Variants in FRYL observed in about 807,000 individuals in gnomAD.
FRYL encodes protein furry homolog-like.
A neutral mutation model predicts 351.2 loss-of-function variants in FRYL; 150 were observed. That is an observed-to-expected ratio of 0.43 (90% CI 0.37 to 0.49). The LOEUF is 0.49. Among genes scored for constraint, FRYL ranks in the 20% least tolerant of loss-of-function variants. FRYL has a pLI of 0.00. For missense variants in FRYL, 3,036 were observed against 3,619.3 expected, an observed-to-expected ratio of 0.84 and a Z score of 4.13; for synonymous variants, 1,153 against 1,257.1, an observed-to-expected ratio of 0.92 and a Z score of 1.75.
At position 48,540,539 on chromosome 4, in the gene FRYL, T is replaced by C; in HGVS notation, c.6109A>G (p.Lys2037Glu). ...TCAATCTTCTCTCGACTCTCTGATT[T>C]ATCCAAAGGCAAATGGATAAGCAGT... Reference protein sequence around the residue: ...NKLLIHLPLDKSESREKIENV... With the variant: ...NKLLIHLPLDESESREKIENV... The change falls in exon 46 of 64, where the codon AAA becomes GAA. Residue 2037 changes from lysine (K) to glutamate (E), a missense_variant. Coordinates refer to ENST00000358350, the MANE Select transcript of FRYL (RefSeq NM_015030.2). 1 of 1,614,036 alleles carries C rather than the reference T, an allele frequency of 6.2e-7. No homozygotes were observed. Among genetic ancestry groups the C allele is most frequent in the Non-Finnish European group, 8.5e-7 (1 of 1,179,938 alleles).
chr4:48,710,109 A>T (rs1210677814), intron 2 of FRYL, among the ~76,000 whole-genome samples: 1 of 152,236 alleles, frequency 6.6e-6, no homozygotes, highest in African/African-American at 2.4e-5. Context: ...CTATGCTATA[A>T]AAAGAAGAGC....
chr4:48,541,384 C>T (rs987755778), intron 45 of FRYL, among the ~76,000 whole-genome samples: 1 of 152,186 alleles, frequency 6.6e-6, no homozygotes, highest in Non-Finnish European at 1.5e-5. Flanking sequence ...TCCTTCCTCA[C>T]ATCCAATTTT....
Position 48,678,121 on chromosome 4 carries a change from G to A in FRYL, c.-81+6552C>T, listed in dbSNP as rs116181476. On this transcript the variant is annotated intron_variant, in intron 3 of 63. Transcript: ENST00000358350. ...TCAAGAGAAGGTATTGGCCGGGTGCGGTGGCTCATGCCTGTAATCCCAGCA... is the reference window on the plus strand; with the variant it reads ...TCAAGAGAAGGTATTGGCCGGGTGCAGTGGCTCATGCCTGTAATCCCAGCA... Among the ~76,000 whole-genome samples, 685 of 152,212 alleles carry A rather than the reference G, an allele frequency of 4.5e-3. 6 individuals are homozygous for A. The highest frequency in any genetic ancestry group is 0.017 in the Middle Eastern group (5 of 294).
chr4:48,695,347 A>C (rs1766051204), intron 2 of FRYL, among the ~76,000 whole-genome samples: 2 of 152,200 alleles, frequency 1.3e-5, no homozygotes, highest in Non-Finnish European at 2.9e-5. Flanking sequence ...TCAACTGATA[A>C]TGTGCAAACT....
rs375663133 is a variant in FRYL, at chr4:48,603,520, T to C, written c.835-132A>G. 1.1e-3 allele frequency: 695 copies of C among 646,192 alleles called. 6 individuals are homozygous for C. Among genetic ancestry groups the C allele is most frequent in the South Asian group, 2.6e-3 (131 of 51,084 alleles). The allele number at this position is 646,192 out of a possible 1,614,324, so 40.0% of individuals were successfully genotyped here. A position where few individuals can be genotyped will look rare whatever the true frequency, so the allele number is the denominator to read the frequency against. ...TGAGACTCTCACTGAAGTACTACAA[T>C]GTGCCAAGTGACCAAATGTTAAGTA... On this transcript the variant is annotated intron_variant, in intron 11 of 63. Coordinates refer to ENST00000358350, the MANE Select transcript of FRYL (RefSeq NM_015030.2).
chr4:48,540,419 C>A lies in FRYL; in HGVS notation c.6229G>T (p.Val2077Leu). The change falls in exon 46 of 64, where the codon GTG becomes TTG. Residue 2077 changes from valine to leucine, a missense_variant. Coordinates refer to ENST00000358350, the MANE Select transcript of FRYL (RefSeq NM_015030.2). Reference sequence around the variant, plus strand: ...GAAATGAGTTTACTGAGGAGGTGCACGGTCATTTCTTGTGTAGATGCTGAG... The same window carrying A: ...GAAATGAGTTTACTGAGGAGGTGCAAGGTCATTTCTTGTGTAGATGCTGAG... ...FTSASTQEMT[V>L]HLLSKLISVS... 6.2e-7 allele frequency: 1 copy of A among 1,613,602 alleles called. No homozygotes were observed. Among genetic ancestry groups the A allele is most frequent in the Non-Finnish European group, 8.5e-7 (1 of 1,179,594 alleles).
chr4:48,567,901 G>T lies in FRYL; in HGVS notation c.2997-481C>A, dbSNP rs1039296638. ...TTATCAGGGATGCAAAAATCTAAGA[G>T]AATTCTTGTAAGAATAGGGTAGAGT... On this transcript the variant is annotated intron_variant, in intron 27 of 63. Coordinates refer to ENST00000358350, the MANE Select transcript of FRYL (RefSeq NM_015030.2). The surrounding 1 kb of genome is among the most constrained non-coding windows in gnomAD (Gnocchi z 4.2). Among the ~76,000 whole-genome samples, 71 of 152,318 alleles carry T rather than the reference G, an allele frequency of 4.7e-4. No individual in the cohort carries two copies. The highest frequency in any genetic ancestry group is 1.6e-3 in the African/African-American group (65 of 41,568).
chr4:48,576,250 G>A (rs763231727), intron 23 of FRYL, 28 bp from the exon 24 acceptor site: 1 of 1,488,914 alleles, frequency 6.7e-7, no homozygotes, highest in African/African-American at 1.4e-5. Flanking sequence ...AAAATAGGCA[G>A]ATATGAATAA....
At chr4:48,533,873 A>T (rs1728275334) in intron 49 of FRYL, among the ~76,000 whole-genome samples, 1 of 152,196 alleles carries the variant, frequency 6.6e-6, no homozygotes, top group Non-Finnish European at 1.5e-5. Flanking sequence ...TTCTGTTTCT[A>T]AAAGTAGTGT....
intron 3 of FRYL, among the ~76,000 whole-genome samples, chr4:48,670,988 T>C (rs1439787716): frequency 6.6e-6 from 1 of 152,192 alleles, no homozygotes; most frequent in Non-Finnish European, 1.5e-5. Flanking sequence ...GGATCCTATA[T>C]AGTCACTCTA....
At chr4:48,711,931 C>A (rs1768106394) in intron 1 of FRYL, among the ~76,000 whole-genome samples, 2 of 152,334 alleles carry the variant, frequency 1.3e-5, no homozygotes, top group South Asian at 2.1e-4. Context: ...GCTCTGCAAA[C>A]ACCGCTGCTA....
At position 48,535,614 on chromosome 4, in the gene FRYL, C is replaced by CACAT. The variant is rs756048933; in HGVS notation, c.6564+42_6564+43insATGT. The stretch of plus-strand genomic sequence containing the variant: ...ACACACACACACACACACACACACA[C>CACAT]ATATATATATAGTAAATAAGAAAAT... On this transcript the variant is annotated intron_variant, in intron 48 of 63. Coordinates refer to ENST00000358350, the MANE Select transcript of FRYL (RefSeq NM_015030.2). The CACAT allele has an allele frequency of 3.1e-4, 300 of 980,158 alleles. 1 individual carries two copies. Among genetic ancestry groups the CACAT allele is most frequent in the Admixed American group, 4.0e-4 (15 of 37,366 alleles). The allele number at this position is 980,158 out of a possible 1,614,324, so 60.7% of individuals were successfully genotyped here. A position where few individuals can be genotyped will look rare whatever the true frequency, so the allele number is the denominator to read the frequency against.
At chr4:48,554,699 A>G (rs1045183178) in intron 35 of FRYL, among the ~76,000 whole-genome samples, 8 of 152,192 alleles carry the variant, frequency 5.3e-5, no homozygotes, top group African/African-American at 1.4e-4. Flanking sequence ...ACTCCATCCA[A>G]TGGGCACTAC....
intron 7 of FRYL, among the ~76,000 whole-genome samples, chr4:48,613,337 T>C (rs915403905): frequency 2.0e-5 from 3 of 152,188 alleles, no homozygotes; most frequent in Admixed American, 6.5e-5. Context: ...GCTCAACCTG[T>C]ATATACAGGG....
intron 35 of FRYL, among the ~76,000 whole-genome samples, chr4:48,555,566 G>T (rs1358488751): frequency 6.6e-6 from 1 of 152,216 alleles, no homozygotes; most frequent in Admixed American, 6.5e-5. Flanking sequence ...GAGTAACGTG[G>T]CTAACTGGGG....
chr4:48,692,812 A>G (rs1258238134), intron 2 of FRYL, among the ~76,000 whole-genome samples: 2 of 152,250 alleles, frequency 1.3e-5, no homozygotes, highest in Admixed American at 6.5e-5. Flanking sequence ...TATGGCAAGT[A>G]CTTAATAAAT....
chr4:48,729,038 G>A (rs886083988), intron 1 of FRYL, among the ~76,000 whole-genome samples: 6 of 152,218 alleles, frequency 3.9e-5, no homozygotes, highest in South Asian at 2.1e-4. Context: ...CTTTTCCCAC[G>A]GTCTTCGCAA....
chr4:48,564,741 A>G (rs1736370476), intron 30 of FRYL, among the ~76,000 whole-genome samples, 192 bp downstream of exon 30: 1 of 152,252 alleles, frequency 6.6e-6, no homozygotes, highest in African/African-American at 2.4e-5. Flanking sequence ...AAATTATTCA[A>G]ATTAATGATA....
chr4:48,663,648 G>A (rs1440056204), intron 3 of FRYL, among the ~76,000 whole-genome samples: 3 of 151,278 alleles, frequency 2.0e-5, no homozygotes, highest in African/African-American at 4.8e-5. Flanking sequence ...GGTAGCGGGC[G>A]CCTGTAGTCC....
Sources: gnomAD v4.1 joint callset for allele counts (sites outside exome capture counted in the v4.1 genomes callset) on GRCh38, gnomAD v4.1.1 for gene constraint, Gnocchi (gnomAD v3.1) non-coding constraint, MANE v1.5 for transcripts, NCBI Gene and HGNC (gene_info 2026-07-23, HGNC 2026-07-21) for gene names.